Variants in PDE4D observed in about 807,000 individuals in gnomAD.
PDE4D encodes the protein phosphodiesterase 4D.
PDE4D carries 24 observed loss-of-function variants against 87.4 expected under a neutral mutation model. The observed-to-expected ratio is 0.27, with a 90% CI of 0.20 to 0.39. PDE4D has a LOEUF of 0.39. Ranked by LOEUF, PDE4D falls within the 10% of genes least tolerant of loss-of-function variation. PDE4D has a pLI of 1.00. For synonymous variants in PDE4D, 384 were observed against 383.2 expected (o/e 1.00, Z -0.02); for missense variants, 714 against 1,041.0 (o/e 0.69, Z 4.32).
At chr5:59,464,878 A>G (rs1801338372) in intron 1 of PDE4D, among the ~76,000 whole-genome samples, 1 of 152,208 alleles carries the variant, frequency 6.6e-6, no homozygotes, top group South Asian at 2.1e-4. Context: ...TGGCAAAAGC[A>G]TTGGAGGACA....
chr5:60,125,384 C>T (rs1456614852), intron 2 of PDE4D, among the ~76,000 whole-genome samples: 1 of 152,066 alleles, frequency 6.6e-6, no homozygotes. Context: ...TCTTTCTCAC[C>T]GTAAACACAG....
intron 1 of PDE4D, among the ~76,000 whole-genome samples, chr5:59,883,654 T>C (rs1048938323): frequency 6.6e-6 from 1 of 152,224 alleles, no homozygotes; most frequent in South Asian, 2.1e-4. Flanking sequence ...ATATTTCTTT[T>C]AATTCTCAGA....
At chr5:59,973,179 A>C (rs1760962812) in intron 3 of PDE4D, among the ~76,000 whole-genome samples, 1 of 152,216 alleles carries the variant, frequency 6.6e-6, no homozygotes, top group Non-Finnish European at 1.5e-5. Flanking sequence ...AATTTGTATG[A>C]ATGAAATTGT....
chr5:59,586,440 G>T (rs1561270805), intron 1 of PDE4D: 2 of 1,561,346 alleles, frequency 1.3e-6, no homozygotes, highest in South Asian at 1.2e-5. Context: ...GATTTTTACA[G>T]ATGAATTCCA....
At chr5:59,334,485 T>C (rs1777323724) in intron 1 of PDE4D, among the ~76,000 whole-genome samples, 1 of 152,072 alleles carries the variant, frequency 6.6e-6, no homozygotes, top group Non-Finnish European at 1.5e-5. Flanking sequence ...CTCAAACTCC[T>C]GACCTCAGGT....
intron 1 of PDE4D, among the ~76,000 whole-genome samples, chr5:59,767,264 A>T (rs750763335): frequency 9.9e-5 from 15 of 151,694 alleles, no homozygotes; most frequent in Non-Finnish European, 2.1e-4. Context: ...CTTTTTTGTT[A>T]TGTTTTCTTT....
chr5:59,435,290 T>C (rs1390359012), intron 1 of PDE4D, among the ~76,000 whole-genome samples: 2 of 152,140 alleles, frequency 1.3e-5, no homozygotes, highest in African/African-American at 2.4e-5. Flanking sequence ...AGTTCCACAT[T>C]ATTTAGTAAT....
At chr5:59,058,859 T>C (rs1762724764) in intron 5 of PDE4D, among the ~76,000 whole-genome samples, 1 of 152,170 alleles carries the variant, frequency 6.6e-6, no homozygotes, top group African/African-American at 2.4e-5. Context: ...GAATCTCTAA[T>C]AATTACATCC....
chr5:60,396,907 G>T (rs1230974063), intron 1 of PDE4D, among the ~76,000 whole-genome samples: 1 of 152,256 alleles, frequency 6.6e-6, no homozygotes, highest in Middle Eastern at 3.4e-3. Flanking sequence ...GGACCTCAAG[G>T]TAGGTTGGGA....
chr5:59,949,261 C>T (rs2916869), intron 3 of PDE4D, among the ~76,000 whole-genome samples: 5,615 of 151,994 alleles, frequency 0.037, 310 homozygotes, highest in East Asian at 0.13. Flanking sequence ...GAAACCCCGT[C>T]GCTACTAAAA....
chr5:59,155,220 A>G (rs182618736), intron 5 of PDE4D, among the ~76,000 whole-genome samples: 3 of 152,340 alleles, frequency 2.0e-5, no homozygotes, highest in Admixed American at 1.3e-4. Context: ...ATCAAAAAGA[A>G]CATTCTAGAA....
At chr5:59,989,491 GA>G (rs1762801351) in intron 2 of PDE4D, among the ~76,000 whole-genome samples, 1 of 151,934 alleles carries the variant, frequency 6.6e-6, no homozygotes, top group African/African-American at 2.4e-5. Context: ...GGCCATATTT[GA>G]AACATATGTT....
chr5:59,322,274 C>T (rs1443167132), intron 1 of PDE4D, among the ~76,000 whole-genome samples: 5 of 152,052 alleles, frequency 3.3e-5, no homozygotes, highest in African/African-American at 7.2e-5. Flanking sequence ...ATCATTCACT[C>T]AGTATTGCTG....
chr5:60,020,838 G>A (rs1363476414), intron 2 of PDE4D, among the ~76,000 whole-genome samples: 1 of 152,192 alleles, frequency 6.6e-6, no homozygotes, highest in East Asian at 1.9e-4. Flanking sequence ...CACAACATAA[G>A]GAAGTGAAAC....
At chr5:59,512,221 T>G (rs1456244153) in intron 1 of PDE4D, among the ~76,000 whole-genome samples, 2 of 152,194 alleles carry the variant, frequency 1.3e-5, no homozygotes, top group African/African-American at 4.8e-5. Context: ...ATTCATAGAC[T>G]ACACCCTTTT....
intron 1 of PDE4D, among the ~76,000 whole-genome samples, chr5:59,525,874 C>T (rs1460790335): frequency 1.3e-5 from 2 of 152,118 alleles, no homozygotes; most frequent in Non-Finnish European, 2.9e-5. Context: ...GTGTTTGTTT[C>T]CCATTCCACC....
Position 59,437,405 on chromosome 5 carries a change from G to T in PDE4D, c.456-221437C>A, listed in dbSNP as rs561836584. On this transcript the variant is annotated intron_variant, in intron 1 of 14. Transcript: ENST00000340635. ...CGGTTGCCAATATTCAGCTGCAAAA[G>T]AATTTCCAACAGTAGGAACCAGTGG... Among the ~76,000 whole-genome samples the T allele has an allele frequency of 1.4e-4, 22 of 152,224 alleles. 1 individual carries two copies. In the South Asian group the frequency reaches 4.1e-3, roughly 29 times the overall value.
At chr5:60,332,661 A>C (rs1006112256) in intron 1 of PDE4D, among the ~76,000 whole-genome samples, 21 of 152,210 alleles carry the variant, frequency 1.4e-4, no homozygotes, top group Admixed American at 6.5e-4. Context: ...CAACCACATA[A>C]TTGACCAAAA....
chr5:59,942,166 T>C (rs1331786121), intron 3 of PDE4D, among the ~76,000 whole-genome samples: 1 of 152,270 alleles, frequency 6.6e-6, no homozygotes, highest in East Asian at 1.9e-4. Flanking sequence ...TAGATGTTTC[T>C]TCATTTGCTA....
Sources: allele counts gnomAD v4.1 joint callset (sites outside exome capture counted in the v4.1 genomes callset), GRCh38; gene constraint gnomAD v4.1.1; transcripts MANE v1.5; gene names NCBI Gene and HGNC (gene_info 2026-07-23, HGNC 2026-07-21).